Variants in KAT6A observed in about 807,000 individuals in gnomAD.
KAT6A encodes lysine acetyltransferase 6A.
Under a neutral mutation model 198.4 loss-of-function variants are expected in KAT6A, and 9 were observed. That is an observed-to-expected ratio of 0.05 (90% CI 0.03 to 0.08). KAT6A has a LOEUF of 0.08. Ranked by LOEUF, KAT6A falls within the 10% of genes least tolerant of loss-of-function variation. The pLI is 1.00. For synonymous variants in KAT6A, 890 were observed against 883.0 expected, an observed-to-expected ratio of 1.01 and a Z score of -0.14; for missense variants, 2,077 against 2,509.9, an observed-to-expected ratio of 0.83 and a Z score of 3.69.
At chr8:42,023,694 C>T (rs1564071977) in intron 2 of KAT6A, among the ~76,000 whole-genome samples, 2 of 151,810 alleles carry the variant, frequency 1.3e-5, no homozygotes, top group South Asian at 4.2e-4. Context: ...GTCATGTTGC[C>T]CAAGTTGGTT....
chr8:42,003,478 G>A (rs2150904006), intron 2 of KAT6A, among the ~76,000 whole-genome samples: 1 of 151,750 alleles, frequency 6.6e-6, no homozygotes, highest in East Asian at 1.9e-4. Context: ...CAGCCCATGG[G>A]GTTGTAGCTG....
At chr8:42,026,865 A>G (rs959821300) in intron 2 of KAT6A, among the ~76,000 whole-genome samples, 2 of 152,158 alleles carry the variant, frequency 1.3e-5, no homozygotes, top group African/African-American at 4.8e-5. Context: ...AAAGGCTTTC[A>G]GCTTTTCCCC....
At chr8:41,993,478 T>C (rs942550285) in intron 2 of KAT6A, among the ~76,000 whole-genome samples, 1 of 152,230 alleles carries the variant, frequency 6.6e-6, no homozygotes, top group Non-Finnish European at 1.5e-5. Context: ...ACACATGGCA[T>C]GCTCCCCACT....
chr8:41,943,997 A>G lies in KAT6A; in HGVS notation c.1997-18T>C. 6.3e-7 allele frequency: 1 copy of G among 1,578,934 alleles called. No homozygotes were observed. Among genetic ancestry groups the G allele is most frequent in the Non-Finnish European group, 8.7e-7 (1 of 1,149,394 alleles). On this transcript the variant is annotated intron_variant, in intron 12 of 16. Coordinates refer to ENST00000265713, the MANE Select transcript of KAT6A (RefSeq NM_006766.5). ...CAAATAACCTAAAGAATCACAAATA[A>G]CTCAAATCAGAACTAGGTCAGCAAC... is the stretch of plus-strand genomic sequence containing the variant.
At chr8:41,954,070 C>T (rs1212463131) in intron 9 of KAT6A, among the ~76,000 whole-genome samples, 2 of 152,050 alleles carry the variant, frequency 1.3e-5, no homozygotes, top group African/African-American at 2.4e-5. Flanking sequence ...GTTTCATGAG[C>T]TTGTGTGTTA....
rs752218810 is a variant in KAT6A at position 41,978,746 on chromosome 8, C to T, written c.939G>A (p.Arg313=). 6.2e-6 allele frequency: 10 copies of T among 1,613,470 alleles called. No individual in the cohort carries two copies. Among genetic ancestry groups the T allele is most frequent in the Non-Finnish European group, 8.5e-6 (10 of 1,179,718 alleles). ...TTTGTAGAAGTTTTCGTCCTTTTTT[C>T]CTAGGTCGACATATTTGACATATCC... ...GMWICQICRP[R]KKGRKLLQKK... The change falls in exon 6 of 17, where the codon AGG becomes AGA. Residue 313 remains arginine (R), a synonymous_variant. Coordinates refer to ENST00000265713, the MANE Select transcript of KAT6A (RefSeq NM_006766.5).
chr8:41,979,288 A>G (rs2150888027), intron 5 of KAT6A, among the ~76,000 whole-genome samples: 1 of 152,150 alleles, frequency 6.6e-6, no homozygotes, highest in East Asian at 1.9e-4. Context: ...TTTCCTGCCT[A>G]AAGCTGCTAT....
At chr8:41,956,828 C>T (rs1822942680) in intron 8 of KAT6A, among the ~76,000 whole-genome samples, 1 of 152,204 alleles carries the variant, frequency 6.6e-6, no homozygotes. Flanking sequence ...TTTCTCAAAA[C>T]CCAAACAGAA....
At chr8:41,935,669 G>C (rs1207072966) in intron 16 of KAT6A, among the ~76,000 whole-genome samples, 1 of 151,956 alleles carries the variant, frequency 6.6e-6, no homozygotes, top group Non-Finnish European at 1.5e-5. Context: ...AATTTTTAAA[G>C]AATAAGAATA....
chr8:41,987,445 A>C lies in KAT6A; in HGVS notation c.709+10T>G, dbSNP rs755253389. On this transcript the variant is annotated intron_variant, in intron 3 of 16. Coordinates refer to ENST00000265713, the MANE Select transcript of KAT6A (RefSeq NM_006766.5). Reference sequence around the variant, plus strand: ...ACATTTTAGAAGAAAAACAGAAGGAAATCACATACCACTGTTGCCACAGTC... The same window carrying C: ...ACATTTTAGAAGAAAAACAGAAGGACATCACATACCACTGTTGCCACAGTC... 9.2e-6 allele frequency: 14 copies of C among 1,526,794 alleles called. No homozygotes were observed. Among genetic ancestry groups the C allele is most frequent in the Non-Finnish European group, 1.3e-5 (14 of 1,106,314 alleles). 94.6% of individuals were successfully genotyped at this position (1,526,794 alleles called of 1,614,324 possible).
intron 2 of KAT6A, among the ~76,000 whole-genome samples, chr8:42,045,810 A>G (rs1802242663): frequency 6.8e-6 from 1 of 147,286 alleles, no homozygotes; most frequent in Non-Finnish European, 1.5e-5. Flanking sequence ...TGTCTCTACT[A>G]AAAATACAAA....
rs1485728965 is a variant in KAT6A, at chr8:41,931,537, GAA to G, written c.*666_*667del. 4.8e-6 allele frequency: 1 copy of G among 206,362 alleles called. No homozygotes were observed. Among genetic ancestry groups the G allele is most frequent in the African/African-American group, 2.3e-5 (1 of 43,832 alleles). The allele number at this position is 206,362 out of a possible 1,614,324, so 12.8% of individuals were successfully genotyped here. A position where few individuals can be genotyped will look rare whatever the true frequency, so the allele number is the denominator to read the frequency against. ...GATTTCAATGAAGTCCGTCTATAAAGAAACATTCTTGGGGAAGGGTTTCAAGA... is the reference window on the plus strand; with the variant it reads ...GATTTCAATGAAGTCCGTCTATAAAGACATTCTTGGGGAAGGGTTTCAAGA... On this transcript the variant is annotated 3_prime_UTR_variant, in exon 17 of 17. Transcript: ENST00000265713.
intron 8 of KAT6A, among the ~76,000 whole-genome samples, chr8:41,963,554 C>T (rs950055722): frequency 2.0e-5 from 3 of 152,216 alleles, no homozygotes; most frequent in Non-Finnish European, 2.9e-5. Flanking sequence ...TCTCTGTCTC[C>T]TATCTATCTC....
At position 41,937,417 on chromosome 8, in the gene KAT6A, G is replaced by A. The variant is rs200571212; in HGVS notation, c.3191C>T (p.Thr1064Met). The change falls in exon 16 of 17, where the codon ACG (threonine) becomes ATG (methionine). Residue 1064 changes from threonine (T) to methionine (M), a missense_variant. Around this residue, in one of 13 missense-constraint regions of KAT6A, gnomAD observed 375 missense variants for 383.0 expected, o/e 0.98. Coordinates refer to ENST00000265713, the MANE Select transcript of KAT6A (RefSeq NM_006766.5). ...CTCCTCTTCTTCATCGATCTCAAAC[G>A]TGGGTTCTAATCTTGGCATTGGCCT... ...SERPMPRLEP[T>M]FEIDEEEEEE... The A allele has an allele frequency of 2.5e-6, 4 of 1,614,070 alleles. No homozygotes were observed. Among genetic ancestry groups the A allele is most frequent in the East Asian group, 2.2e-5 (1 of 44,876 alleles).
At chr8:41,949,076 C>T in intron 10 of KAT6A, 146 bp downstream of exon 10, 1 of 479,462 alleles carries the variant, frequency 2.1e-6, no homozygotes, top group Non-Finnish European at 3.5e-6. Flanking sequence ...ATTTTATAAT[C>T]AAATGAAGTT....
At chr8:42,030,594 T>C (rs1248347313) in intron 2 of KAT6A, among the ~76,000 whole-genome samples, 2 of 151,980 alleles carry the variant, frequency 1.3e-5, no homozygotes, top group African/African-American at 2.4e-5. Flanking sequence ...AGACACAGTT[T>C]TGTTCTGTCA....
At chr8:41,943,100 G>A in intron 13 of KAT6A, 100 bp from the exon 14 acceptor site, 4 of 1,450,558 alleles carry the variant, frequency 2.8e-6, no homozygotes, top group Non-Finnish European at 3.7e-6. Flanking sequence ...AAGATGATAG[G>A]TGCTGCAAAG....
chr8:41,944,747 G>A (rs1010089039), intron 12 of KAT6A, among the ~76,000 whole-genome samples: 2 of 152,140 alleles, frequency 1.3e-5, no homozygotes, highest in Non-Finnish European at 1.5e-5. Flanking sequence ...ATCACCAAAA[G>A]TAAAATATTT....
chr8:41,936,721 A>C (rs922267374), intron 16 of KAT6A, among the ~76,000 whole-genome samples: 13 of 152,228 alleles, frequency 8.5e-5, no homozygotes, highest in Non-Finnish European at 1.0e-4. Flanking sequence ...TAGTTGGGTA[A>C]GACACATTAG....
Sources: allele counts gnomAD v4.1 joint callset (sites outside exome capture counted in the v4.1 genomes callset), GRCh38; gene constraint gnomAD v4.1.1; regional missense constraint gnomAD v4.1.1; transcripts MANE v1.5; gene names NCBI Gene and HGNC (gene_info 2026-07-23, HGNC 2026-07-21).